The following MAPK14 variants were observed in gnomAD, a reference collection of about 807,000 sequenced individuals.
MAPK14 encodes CSAID-binding protein.
A neutral mutation model predicts 49.6 loss-of-function variants in MAPK14; 16 were observed. The ratio of observed to expected loss-of-function variants is 0.32; its 90% CI spans 0.22 to 0.49. The LOEUF (loss-of-function observed/expected upper bound fraction) is 0.49, where lower values mean the gene tolerates loss of function less well. Among genes scored for constraint, MAPK14 ranks in the 20% least tolerant of loss-of-function variants. The pLI, the probability that MAPK14 is intolerant of heterozygous loss-of-function variation, is 0.99. For missense variants in MAPK14, 200 were observed against 441.2 expected (o/e 0.45, Z 4.90); for synonymous variants, 142 against 158.0 (o/e 0.90, Z 0.76).
At chr6:36,078,429 A>G (rs1764616513) in intron 8 of MAPK14, among the ~76,000 whole-genome samples, 1 of 152,222 alleles carries the variant, frequency 6.6e-6, no homozygotes, top group Admixed American at 6.5e-5. Context: ...GTAGGAAAGG[A>G]TGGAACTCCT....
chr6:36,078,681 T>A (rs1187623214), intron 8 of MAPK14, among the ~76,000 whole-genome samples: 3 of 152,216 alleles, frequency 2.0e-5, no homozygotes, highest in Admixed American at 6.5e-5. Flanking sequence ...AATTTTGGTT[T>A]TAGTTATTTA....
intron 9 of MAPK14, among the ~76,000 whole-genome samples, chr6:36,100,700 C>T (rs890504435): frequency 6.6e-6 from 1 of 151,968 alleles, no homozygotes; most frequent in Non-Finnish European, 1.5e-5. Flanking sequence ...CTAATATGTA[C>T]TATATTTAAA....
chr6:36,078,221 A>C (rs561988099), intron 8 of MAPK14, among the ~76,000 whole-genome samples: 18 of 152,362 alleles, frequency 1.2e-4, no homozygotes, highest in African/African-American at 4.3e-4. Flanking sequence ...GTAAAATGAT[A>C]ATAATCATAC....
intron 8 of MAPK14, among the ~76,000 whole-genome samples, chr6:36,077,459 T>G (rs1562131837): frequency 1.3e-5 from 2 of 152,054 alleles, no homozygotes; most frequent in Non-Finnish European, 2.9e-5. Flanking sequence ...CTACCTCTGA[T>G]CTATTATGCC....
intron 1 of MAPK14, among the ~76,000 whole-genome samples, chr6:36,042,850 G>C (rs538626522): frequency 6.6e-6 from 1 of 152,002 alleles, no homozygotes; most frequent in Non-Finnish European, 1.5e-5. Flanking sequence ...TTGCAGGCTC[G>C]TGCCTGCAAT....
At chr6:36,071,585 G>C (rs183884353) in intron 3 of MAPK14, among the ~76,000 whole-genome samples, 1 of 152,104 alleles carries the variant, frequency 6.6e-6, no homozygotes, top group Non-Finnish European at 1.5e-5. Context: ...CTTCCTTTAA[G>C]GTAAATGCAG....
At chr6:36,095,917 G>A (rs963401020) in intron 8 of MAPK14, 70 bp from the exon 9 acceptor site, 2 of 985,574 alleles carry the variant, frequency 2.0e-6, no homozygotes, top group African/African-American at 3.3e-5. Context: ...GTTTGTTTTT[G>A]TTTTGTTTGT....
intron 1 of MAPK14, among the ~76,000 whole-genome samples, chr6:36,032,119 G>C (rs1358034591): frequency 6.6e-6 from 1 of 151,926 alleles, no homozygotes; most frequent in African/African-American, 2.4e-5. Context: ...TAAATGAATA[G>C]AATATTTCAA....
downstream of MAPK14, among the ~76,000 whole-genome samples, chr6:36,111,452 A>G (rs373969337): frequency 1.1e-4 from 17 of 152,316 alleles, no homozygotes; most frequent in African/African-American, 3.1e-4. Flanking sequence ...GAGACTATCT[A>G]TAAGCCATAT....
At chr6:36,089,779 C>T (rs755988222) in intron 8 of MAPK14, among the ~76,000 whole-genome samples, 4 of 152,160 alleles carry the variant, frequency 2.6e-5, no homozygotes, top group African/African-American at 4.8e-5. Flanking sequence ...CAGAATGTCT[C>T]TTCAGGTACA....
chr6:36,058,959 G>A (rs113959735), intron 2 of MAPK14, among the ~76,000 whole-genome samples: 2,609 of 151,134 alleles, frequency 0.017, 77 homozygotes, highest in African/African-American at 0.059. Flanking sequence ...GCGCAATCTC[G>A]GGTCACTGCA....
At position 36,092,438 on chromosome 6, in the gene MAPK14, C is replaced by T. The variant is rs190523820; in HGVS notation, c.683-3549C>T. Reference sequence around the variant, plus strand: ...CCAGAACGATACACTCGTAGTGAAGCGTTCTCTGCAGCACAGGGATGACCG... The same window carrying T: ...CCAGAACGATACACTCGTAGTGAAGTGTTCTCTGCAGCACAGGGATGACCG... On this transcript the variant is annotated intron_variant, in intron 8 of 11. Coordinates refer to ENST00000229794, the MANE Select transcript of MAPK14 (RefSeq NM_139012.3). 43 of 662,724 alleles carry T rather than the reference C, an allele frequency of 6.5e-5. 1 individual carries two copies. The African/African-American group carries it at 6.7e-4, about 10-fold the overall frequency. 41.1% of individuals were successfully genotyped at this position (662,724 alleles called of 1,614,324 possible). A position where few individuals can be genotyped will look rare whatever the true frequency, so the allele number is the denominator to read the frequency against.
chr6:36,120,069 G>A, the MAPK14 span, among the ~76,000 whole-genome samples: 24 of 152,214 alleles, frequency 1.6e-4, no homozygotes, highest in African/African-American at 5.1e-4. Context: ...TTCTAATCCC[G>A]GTTCCACCAC....
chr6:36,038,000 CCT>C (rs779531571), intron 1 of MAPK14, among the ~76,000 whole-genome samples: 18 of 151,108 alleles, frequency 1.2e-4, no homozygotes, highest in Non-Finnish European at 2.2e-4. Flanking sequence ...AGAGTGATAC[CCT>C]GTCTCCAAAA....
intron 1 of MAPK14, among the ~76,000 whole-genome samples, chr6:36,038,185 A>G (rs1356246580): frequency 1.5e-4 from 23 of 152,168 alleles, no homozygotes. Context: ...AGCATCATTG[A>G]TAAAGTAACA....
intron 11 of MAPK14, 61 bp from the exon 12 acceptor site, chr6:36,108,319 G>C: frequency 7.9e-7 from 1 of 1,270,618 alleles, no homozygotes; most frequent in Non-Finnish European, 1.2e-6. Context: ...AAGTCAGAGT[G>C]CTTGCCAGCA....
chr6:36,123,043 C>T, the MAPK14 span, among the ~76,000 whole-genome samples: 1 of 151,698 alleles, frequency 6.6e-6, no homozygotes, highest in Non-Finnish European at 1.5e-5. Context: ...CTAGAGTTCA[C>T]TCGGGAACAC....
intron 8 of MAPK14, among the ~76,000 whole-genome samples, chr6:36,088,231 A>G (rs1765068550): frequency 1.3e-5 from 2 of 152,210 alleles, no homozygotes; most frequent in South Asian, 4.1e-4. Context: ...AAATTTCATG[A>G]TGAAAACATC....
rs539164345 is a variant in MAPK14, at chr6:36,062,871, T to C, written c.305+3524T>C. ...TGGGATTTCACTGTTTTGGCCAGAC[T>C]GGTCATGAACGCTTGACCTCAAGTG... On this transcript the variant is annotated intron_variant, in intron 3 of 11. Transcript: ENST00000229794. Among the ~76,000 whole-genome samples, 7 of 152,100 alleles carry C rather than the reference T, an allele frequency of 4.6e-5. No homozygotes were observed. The East Asian group carries it at 1.4e-3, about 29-fold the overall frequency.
Sources: gnomAD v4.1 joint callset for allele counts (sites outside exome capture counted in the v4.1 genomes callset) on GRCh38, gnomAD v4.1.1 for gene constraint, MANE v1.5 for transcripts, NCBI Gene and HGNC (gene_info 2026-07-23, HGNC 2026-07-21) for gene names.